Variants in ACOT12 observed in about 807,000 individuals in gnomAD.
ACOT12 encodes the protein acetyl-coenzyme A thioesterase.
In ACOT12, 51 loss-of-function variants were observed where a neutral mutation model predicts 67.7. The ratio of observed to expected loss-of-function variants is 0.75; its 90% confidence interval spans 0.60 to 0.95. The LOEUF (loss-of-function observed/expected upper bound fraction) is 0.95, where lower values mean the gene tolerates loss of function less well. Among genes scored for constraint, ACOT12 ranks in the 40% least tolerant of loss-of-function variants. The pLI, the probability that ACOT12 is intolerant of heterozygous loss-of-function variation, is 0.00. For missense variants in ACOT12, 734 were observed against 708.1 expected (o/e 1.04, Z -0.41); for synonymous variants, 251 against 244.6 (o/e 1.03, Z -0.24).
Position 81,330,947 on chromosome 5 carries a change from GA to G in ACOT12, c.1392-8del, listed in dbSNP as rs1330066042. On this transcript the variant is annotated splice_polypyrimidine_tract_variant and splice_region_variant and intron_variant, in intron 13 of 14. Coordinates refer to ENST00000307624, the MANE Select transcript of ACOT12 (RefSeq NM_130767.3). ...TGCCACTGTGTAAGTGTTACTGAAA[GA>G]AAACACTTTCTAAGCTCTTGTGAGA... 6.3e-7 allele frequency: 1 copy of G among 1,582,076 alleles called. No individual in the cohort carries two copies. The highest frequency in any genetic ancestry group is 1.4e-5 in the African/African-American group (1 of 73,334).
At chr5:81,358,353 G>T (rs1291848313) in intron 5 of ACOT12, among the ~76,000 whole-genome samples, 1 of 152,192 alleles carries the variant, frequency 6.6e-6, no homozygotes, top group Non-Finnish European at 1.5e-5. Context: ...TGAGGAGACA[G>T]CAGGGTTTTG....
rs973640219 is a variant in ACOT12 at position 81,358,768 on chromosome 5, G to C, written c.496+1135C>G. Reference sequence around the variant, plus strand: ...GGAGGCTGAGGCAGGAGAATTGCTTGAACCTGGGAGGCATAGGTTGCAGTG... The same window carrying C: ...GGAGGCTGAGGCAGGAGAATTGCTTCAACCTGGGAGGCATAGGTTGCAGTG... On this transcript the variant is annotated intron_variant, in intron 5 of 14. Transcript: ENST00000307624. 3.3e-5 allele frequency among the ~76,000 whole-genome samples: 5 copies of C among 152,008 alleles called. No individual in the cohort carries two copies. The South Asian group carries it at 1.0e-3, about 31-fold the overall frequency.
the ACOT12 span, chr5:81,309,052 C>A: frequency 2.1e-5 from 33 of 1,578,194 alleles, no homozygotes; most frequent in Non-Finnish European, 2.8e-5. Flanking sequence ...AGTACTGTTA[C>A]CCTCATATAG....
the ACOT12 span, among the ~76,000 whole-genome samples, chr5:81,324,392 G>T: frequency 6.6e-6 from 1 of 152,192 alleles, no homozygotes; most frequent in African/African-American, 2.4e-5. Context: ...TTGGGGGAAA[G>T]GTGGCAGAAT....
the ACOT12 span, among the ~76,000 whole-genome samples, chr5:81,317,209 A>G: frequency 6.6e-6 from 1 of 152,200 alleles, no homozygotes; most frequent in South Asian, 2.1e-4. Context: ...TTTATAAAGA[A>G]AAGAGGTTTA....
chr5:81,361,070 T>C (rs1326958047), intron 4 of ACOT12, among the ~76,000 whole-genome samples: 6 of 91,754 alleles, frequency 6.5e-5, no homozygotes, highest in African/African-American at 2.1e-4. Flanking sequence ...AGAGTGAGAC[T>C]CCATCTCAAA....
intron 3 of ACOT12, among the ~76,000 whole-genome samples, chr5:81,365,026 T>C (rs1018636909): frequency 6.6e-6 from 1 of 152,216 alleles, no homozygotes; most frequent in Non-Finnish European, 1.5e-5. Flanking sequence ...AGACACTTTA[T>C]GTTGATACTA....
intron 3 of ACOT12, among the ~76,000 whole-genome samples, chr5:81,364,621 AT>A (rs1191884894): frequency 3.3e-5 from 5 of 151,876 alleles, no homozygotes; most frequent in African/African-American, 7.3e-5. Flanking sequence ...TACAGACAAG[AT>A]TTCACCATGT....
At chr5:81,327,617 T>G (rs1758705649), downstream of ACOT12, among the ~76,000 whole-genome samples, 1 of 152,176 alleles carries the variant, frequency 6.6e-6, no homozygotes, top group Non-Finnish European at 1.5e-5. Flanking sequence ...ATTTTTGTAT[T>G]TTTAGTAAAG....
intron 8 of ACOT12, 87 bp from the exon 9 acceptor site, chr5:81,344,302 A>T: frequency 7.5e-7 from 1 of 1,342,038 alleles, no homozygotes; most frequent in Non-Finnish European, 1.0e-6. Flanking sequence ...CCTTCTCCTA[A>T]ATCAGTCAAA....
chr5:81,363,743 G>A, intron 4 of ACOT12, 45 bp downstream of exon 4: 1 of 1,421,750 alleles, frequency 7.0e-7, no homozygotes, highest in East Asian at 2.3e-5. Flanking sequence ...TTGTTACTAT[G>A]TCCCTGAATT....
chr5:81,375,783 G>T (rs530194024), intron 2 of ACOT12, among the ~76,000 whole-genome samples: 1 of 152,104 alleles, frequency 6.6e-6, no homozygotes, highest in Admixed American at 6.6e-5. Context: ...TCAACAAGAA[G>T]AGTAACTATC....
the ACOT12 span, chr5:81,309,143 A>G: frequency 1.4e-4 from 123 of 854,396 alleles, 1 homozygote; most frequent in African/African-American, 2.0e-3. Flanking sequence ...AATAAATTGC[A>G]AAACCTTGAG....
chr5:81,364,369 G>T (rs1760010506), intron 3 of ACOT12, among the ~76,000 whole-genome samples: 1 of 151,306 alleles, frequency 6.6e-6, no homozygotes, highest in African/African-American at 2.4e-5. Flanking sequence ...TGAAATACGT[G>T]TGTGTATATA....
In ACOT12 at chr5:81,393,957, GCGCCTCCCCGCAGCCCCGGCGCC is replaced by G; in HGVS notation, c.127+8_127+30del. The G allele has an allele frequency of 7.7e-7, 1 of 1,305,224 alleles. No homozygotes were observed. Among genetic ancestry groups the G allele is most frequent in the Non-Finnish European group, 9.7e-7 (1 of 1,032,922 alleles). 80.9% of individuals were successfully genotyped at this position (1,305,224 alleles called of 1,614,324 possible). The stretch of plus-strand genomic sequence containing the variant: ...CCGCCGCTCCCGCAGCCCCGGTCCC[GCGCCTCCCCGCAGCCCCGGCGCC>G]CGCCTACCCGCCAGGCAGGCGGTGG... On this transcript the variant is annotated splice_region_variant and intron_variant, in intron 1 of 14. Transcript: ENST00000307624.
At chr5:81,361,034 T>C (rs1010615848) in intron 4 of ACOT12, among the ~76,000 whole-genome samples, 54 of 133,712 alleles carry the variant, frequency 4.0e-4, no homozygotes, top group African/African-American at 1.4e-3. Flanking sequence ...GCCAAGATCA[T>C]GCCACTGCAC....
chr5:81,375,975 T>C (rs917642903), intron 2 of ACOT12, among the ~76,000 whole-genome samples: 1 of 152,230 alleles, frequency 6.6e-6, no homozygotes, highest in African/African-American at 2.4e-5. Context: ...AACTCAGCTC[T>C]GGACCAAACA....
chr5:81,315,048 T>C, the ACOT12 span, among the ~76,000 whole-genome samples: 1 of 152,182 alleles, frequency 6.6e-6, no homozygotes, highest in Non-Finnish European at 1.5e-5. Context: ...CTTACAAACT[T>C]ATCTTTCACT....
chr5:81,309,159 C>A, the ACOT12 span: 1 of 725,380 alleles, frequency 1.4e-6, no homozygotes, highest in Non-Finnish European at 2.2e-6. Flanking sequence ...TTGAGAATTA[C>A]ATTATTTTTA....
Sources: gnomAD v4.1 joint callset for allele counts (sites outside exome capture counted in the v4.1 genomes callset) on GRCh38, gnomAD v4.1.1 for gene constraint, MANE v1.5 for transcripts, NCBI Gene and HGNC (gene_info 2026-07-23, HGNC 2026-07-21) for gene names.